ZSWIM8: variants seen among roughly 807,000 people sequenced by gnomAD.
ZSWIM8 encodes zinc finger SWIM domain-containing protein 8.
Under a neutral mutation model 173.7 loss-of-function variants are expected in ZSWIM8, and 27 were observed. The ratio of observed to expected loss-of-function variants is 0.16; its 90% CI spans 0.11 to 0.21. ZSWIM8 has a LOEUF of 0.21. Among genes scored for constraint, ZSWIM8 ranks in the 10% least tolerant of loss-of-function variants. The probability of loss-of-function intolerance (pLI) is 1.00; values close to 1 mark genes in which losing one functional copy is unlikely to be tolerated. For missense variants in ZSWIM8, 1,627 were observed against 2,428.8 expected, an observed-to-expected ratio of 0.67 and a Z score of 6.94; for synonymous variants, 958 against 962.0, an observed-to-expected ratio of 1.00 and a Z score of 0.08.
chr10:73,796,750 G>A (rs769701861), intron 15 of ZSWIM8, 24 bp from the exon 16 acceptor site: 1 of 1,609,456 alleles, frequency 6.2e-7, no homozygotes, highest in South Asian at 1.1e-5. Context: ...TGCTTCTCTG[G>A]AGGTCACTGC....
intron 1 of ZSWIM8, chr10:73,786,375 G>A (rs1342513630): frequency 5.4e-6 from 2 of 372,782 alleles, no homozygotes; most frequent in East Asian, 4.0e-5. Context: ...CGCTGTGACA[G>A]GGAGATCCTG....
At chr10:73,786,861 C>G (rs936166458) in intron 1 of ZSWIM8, among the ~76,000 whole-genome samples, 2 of 152,008 alleles carry the variant, frequency 1.3e-5, no homozygotes, top group Admixed American at 6.5e-5. Context: ...CTACTCAGGC[C>G]TTTCCAAGAG....
chr10:73,799,497 C>A lies in ZSWIM8; in HGVS notation c.4665+7C>A. 1 of 1,595,792 alleles carries A rather than the reference C, an allele frequency of 6.3e-7. No homozygotes were observed. The highest frequency in any genetic ancestry group is 8.5e-7 in the Non-Finnish European group (1 of 1,170,462). Reference sequence around the variant, plus strand: ...CAGCTCTGCATACCCACAGGTGAGACCAGTGTTCTGCTGGGGGGTAAGGCA... The same window carrying A: ...CAGCTCTGCATACCCACAGGTGAGAACAGTGTTCTGCTGGGGGGTAAGGCA... On this transcript the variant is annotated splice_region_variant and intron_variant, in intron 21 of 25. Transcript: ENST00000604729.
At chr10:73,788,929 A>T (rs2083314545) in intron 2 of ZSWIM8, 106 bp downstream of exon 2, 13 of 1,504,576 alleles carry the variant, frequency 8.6e-6, no homozygotes, top group Non-Finnish European at 1.2e-5. Flanking sequence ...CAGTGGTAAG[A>T]GGAAGACAAG....
intron 1 of ZSWIM8, 87 bp from the exon 2 acceptor site, chr10:73,788,583 G>A (rs946051834): frequency 6.7e-7 from 1 of 1,485,248 alleles, no homozygotes; most frequent in Non-Finnish European, 9.1e-7. Context: ...TGAGGCCCAG[G>A]ATGTTGTACT....
rs778498896 is a variant in ZSWIM8, at chr10:73,795,642, C to T, written c.3012C>T (p.Asp1004=). Residue 1004 remains aspartate (D), a synonymous_variant, in exon 15 of 26, where the codon GAC becomes GAT. Transcript: ENST00000604729. The part of the protein sequence containing the change: ...LALALMITYK[D]DQAKLKKILD... The stretch of plus-strand genomic sequence containing the variant: ...TAGCACTAATGATCACTTACAAGGA[C>T]GACCAGGCCAAGCTTAAGAAGGTAA... 55 of 1,613,304 alleles carry T rather than the reference C, an allele frequency of 3.4e-5. No individual in the cohort carries two copies. The highest frequency in any genetic ancestry group is 2.2e-4 in the South Asian group (20 of 91,076).
At position 73,788,692 on chromosome 10, in the gene ZSWIM8, G is replaced by A; in HGVS notation, c.231G>A (p.Val77=). The change falls in exon 2 of 26, where the codon GTG becomes GTA. Residue 77 remains valine, a synonymous_variant. Coordinates refer to ENST00000604729, the MANE Select transcript of ZSWIM8 (RefSeq NM_001367799.1). ...AAGATGGACTGGTGATCCCATTGGT[G>A]GAGCTGTCAGCAAAGCAGGTGGCAT... ...RMRDGLVIPL[V]ELSAKQVAFH... 1 of 1,613,976 alleles carries A rather than the reference G, an allele frequency of 6.2e-7. No homozygotes were observed. The highest frequency in any genetic ancestry group is 8.5e-7 in the Non-Finnish European group (1 of 1,179,890).
At chr10:73,788,183 G>A (rs936558705) in intron 1 of ZSWIM8, among the ~76,000 whole-genome samples, 1 of 151,472 alleles carries the variant, frequency 6.6e-6, no homozygotes, top group African/African-American at 2.4e-5. Flanking sequence ...TCCGGGCTCT[G>A]GTCTATCTTG....
chr10:73,800,952 T>C lies in ZSWIM8; in HGVS notation c.5123-65T>C. The C allele has an allele frequency of 2.7e-6, 4 of 1,459,002 alleles. No homozygotes were observed. The highest frequency in any genetic ancestry group is 2.1e-5 in the Admixed American group (1 of 47,940). 90.4% of individuals were successfully genotyped at this position (1,459,002 alleles called of 1,614,324 possible). ...TCTCTGCCAGGCCAGAGCTGAGATC[T>C]GTAAGTTGGGTCCCTAGGGCAGAGG... On this transcript the variant is annotated intron_variant, in intron 24 of 25. Coordinates refer to ENST00000604729, the MANE Select transcript of ZSWIM8 (RefSeq NM_001367799.1). This position sits in a 1 kb window ranked among gnomAD's most constrained non-coding sequence, Gnocchi z 4.1.
chr10:73,799,647 A>G, intron 21 of ZSWIM8, 157 bp downstream of exon 21: 2 of 1,051,048 alleles, frequency 1.9e-6, no homozygotes, highest in Non-Finnish European at 2.8e-6. Flanking sequence ...ATAAGAAATG[A>G]CGGCCGGGCA....
Position 73,791,620 on chromosome 10 carries a change from C to G in ZSWIM8, c.1319+121C>G. 8.1e-7 allele frequency: 1 copy of G among 1,233,758 alleles called. No individual in the cohort carries two copies. Among genetic ancestry groups the G allele is most frequent in the Non-Finnish European group, 1.1e-6 (1 of 913,224 alleles). The allele number at this position is 1,233,758 out of a possible 1,614,324, so 76.4% of individuals were successfully genotyped here. A position where few individuals can be genotyped will look rare whatever the true frequency, so the allele number is the denominator to read the frequency against. On this transcript the variant is annotated intron_variant, in intron 9 of 25. Transcript: ENST00000604729. This position sits in a 1 kb window ranked among gnomAD's most constrained non-coding sequence, Gnocchi z 6.0. ...TTTAGTCCTCGGGAAACGGGAGGTG[C>G]TGAGCACTGGTGTTAGCAGTGATTT...
Position 73,791,038 on chromosome 10 carries a change from G to T in ZSWIM8, c.1005G>T (p.Leu335=). The T allele has an allele frequency of 6.2e-7, 1 of 1,613,742 alleles. No homozygotes were observed. Among genetic ancestry groups the T allele is most frequent in the Non-Finnish European group, 8.5e-7 (1 of 1,179,894 alleles). Residue 335 remains leucine, a synonymous_variant, in exon 8 of 26, where the codon CTG becomes CTT. Coordinates refer to ENST00000604729, the MANE Select transcript of ZSWIM8 (RefSeq NM_001367799.1). The surrounding 1 kb of genome is among the most constrained non-coding windows in gnomAD (Gnocchi z 6.0). The part of the protein sequence containing the change: ...EPPAAAEWAC[L]LRPLRGREPE... Reference sequence around the variant, plus strand: ...CAGCCGCTGCTGAATGGGCATGTCTGCTGCGCCCTCTGAGGGGCCGTGAGC... The same window carrying T: ...CAGCCGCTGCTGAATGGGCATGTCTTCTGCGCCCTCTGAGGGGCCGTGAGC...
chr10:73,800,511 G>A lies in ZSWIM8; in HGVS notation c.5002+39G>A. 6.2e-7 allele frequency: 1 copy of A among 1,610,200 alleles called. No individual in the cohort carries two copies. Among genetic ancestry groups the A allele is most frequent in the Non-Finnish European group, 8.5e-7 (1 of 1,177,746 alleles). On this transcript the variant is annotated intron_variant, in intron 23 of 25. Transcript: ENST00000604729. This position sits in a 1 kb window ranked among gnomAD's most constrained non-coding sequence, Gnocchi z 4.1. ...CCTTTCTGTGCTCCTACCTGCAGTT[G>A]TGCCAGTGGCTCTTCAGAGGACCCT...
At position 73,790,009 on chromosome 10, in the gene ZSWIM8, A is replaced by G. The variant is rs754291340; in HGVS notation, c.792A>G (p.Thr264=). The G allele has an allele frequency of 1.9e-6, 3 of 1,613,246 alleles. No homozygotes were observed. The highest frequency in any genetic ancestry group is 3.3e-5 in the Admixed American group (2 of 59,876). The change falls in exon 6 of 26, where the codon ACA becomes ACG. Residue 264 remains threonine, a synonymous_variant. Coordinates refer to ENST00000604729, the MANE Select transcript of ZSWIM8 (RefSeq NM_001367799.1). ...ACGAACTCCTGTCTTCCCAGTCAAC[A>G]GCCATCAATACAGTGTGTGGAGCTC... The part of the protein sequence containing the change: ...LLDELLSSQS[T]AINTVCGAPD...
Position 73,791,344 on chromosome 10 carries a change from C to T in ZSWIM8, c.1164C>T (p.Ser388=), listed in dbSNP as rs201945010. ...TCCAGATAACAGGTTGGTGGTATAG[C>T]GTACGTACCTCAGCCTCACACAGCA... The part of the protein sequence containing the change: ...TYEQITGWWY[S]VRTSASHSSA... The change falls in exon 9 of 26, where the codon AGC becomes AGT. Residue 388 remains serine (S), a synonymous_variant. Transcript: ENST00000604729. This position sits in a 1 kb window ranked among gnomAD's most constrained non-coding sequence, Gnocchi z 6.0. The T allele has an allele frequency of 3.4e-4, 542 of 1,610,754 alleles. No individual in the cohort carries two copies. The highest frequency in any genetic ancestry group is 4.3e-4 in the Non-Finnish European group (511 of 1,177,416).
Position 73,791,835 on chromosome 10 carries a change from G to A in ZSWIM8, c.1320-24G>A. ...ATCCTTTCCCAGTAGCCCCTCAGCA[G>A]CCTCCTGCCCCTTGTTCCCACAGGC... On this transcript the variant is annotated intron_variant, in intron 9 of 25. Coordinates refer to ENST00000604729, the MANE Select transcript of ZSWIM8 (RefSeq NM_001367799.1). This position sits in a 1 kb window ranked among gnomAD's most constrained non-coding sequence, Gnocchi z 6.0. 6.7e-7 allele frequency: 1 copy of A among 1,484,408 alleles called. No individual in the cohort carries two copies. Among genetic ancestry groups the A allele is most frequent in the Non-Finnish European group, 9.0e-7 (1 of 1,108,804 alleles). 92.0% of individuals were successfully genotyped at this position (1,484,408 alleles called of 1,614,324 possible).
At chr10:73,790,368 C>A in intron 7 of ZSWIM8, 76 bp downstream of exon 7, 1 of 1,523,264 alleles carries the variant, frequency 6.6e-7, no homozygotes, top group South Asian at 1.3e-5. Context: ...ATCCTTTCTT[C>A]TATTCATGCC....
Position 73,800,812 on chromosome 10 carries a change from C to T in ZSWIM8, c.5122+53C>T. ...GCCCCCCCCCCACCTGCTCTCCCCACCTTCCTTATCCCAGACCTCCTTCCT... is the reference window on the plus strand; with the variant it reads ...GCCCCCCCCCCACCTGCTCTCCCCATCTTCCTTATCCCAGACCTCCTTCCT... On this transcript the variant is annotated intron_variant, in intron 24 of 25. Coordinates refer to ENST00000604729, the MANE Select transcript of ZSWIM8 (RefSeq NM_001367799.1). This position sits in a 1 kb window ranked among gnomAD's most constrained non-coding sequence, Gnocchi z 4.1. The T allele has an allele frequency of 7.4e-7, 1 of 1,356,050 alleles. No homozygotes were observed. The highest frequency in any genetic ancestry group is 1.4e-5 in the African/African-American group (1 of 70,128). 84.0% of individuals were successfully genotyped at this position (1,356,050 alleles called of 1,614,324 possible). A position where few individuals can be genotyped will look rare whatever the true frequency, so the allele number is the denominator to read the frequency against.
At chr10:73,795,431 G>T in intron 14 of ZSWIM8, 108 bp from the exon 15 acceptor site, 1 of 1,530,728 alleles carries the variant, frequency 6.5e-7, no homozygotes. Context: ...TTGGACCAAG[G>T]GAACCCCTTA....
Sources: allele counts gnomAD v4.1 joint callset (sites outside exome capture counted in the v4.1 genomes callset), GRCh38; gene constraint gnomAD v4.1.1; non-coding constraint Gnocchi (gnomAD v3.1); transcripts MANE v1.5; gene names NCBI Gene and HGNC (gene_info 2026-07-23, HGNC 2026-07-21).